The following TENM3 variants were observed in gnomAD, a reference collection of about 807,000 sequenced individuals.
The protein encoded by TENM3 is teneurin-3.
In TENM3, 63 loss-of-function variants were observed where a neutral mutation model predicts 255.1. The observed-to-expected ratio is 0.25, with a 90% CI of 0.20 to 0.30. The LOEUF (loss-of-function observed/expected upper bound fraction) is 0.30, where lower values mean the gene tolerates loss of function less well. TENM3 is among the 10% of genes least tolerant of loss of function. TENM3 has a pLI of 1.00. For synonymous variants in TENM3, 1,306 were observed against 1,322.3 expected (o/e 0.99, Z 0.27); for missense variants, 2,929 against 3,461.1 (o/e 0.85, Z 3.86).
chr4:181,746,836 T>C, the TENM3 span, among the ~76,000 whole-genome samples: 26 of 152,228 alleles, frequency 1.7e-4, no homozygotes, highest in African/African-American at 5.3e-4. Context: ...TGTATATTAT[T>C]AGCTCAGAGA....
At chr4:182,192,250 C>T (rs1399247520) in intron 1 of TENM3, among the ~76,000 whole-genome samples, 1 of 152,168 alleles carries the variant, frequency 6.6e-6, no homozygotes, top group Admixed American at 6.5e-5. Context: ...TACCGAGGGT[C>T]CACAAAGCGT....
At chr4:182,578,210 C>T (rs1230091053) in intron 3 of TENM3, among the ~76,000 whole-genome samples, 3 of 152,106 alleles carry the variant, frequency 2.0e-5, no homozygotes, top group Non-Finnish European at 2.9e-5. Context: ...CTTCTGACCT[C>T]GTGATCCGCG....
chr4:181,678,049 T>A, the TENM3 span, among the ~76,000 whole-genome samples: 263 of 152,262 alleles, frequency 1.7e-3, 2 homozygotes, highest in South Asian at 4.1e-3. Context: ...AGCGATTATT[T>A]TTTGCCCTCA....
chr4:182,233,392 C>T (rs1030946089), intron 1 of TENM3, among the ~76,000 whole-genome samples: 9 of 152,162 alleles, frequency 5.9e-5, no homozygotes, highest in African/African-American at 1.4e-4. Context: ...GGAACCTGAC[C>T]GACGTATGCT....
chr4:182,397,174 C>T (rs1451257339), intron 3 of TENM3, among the ~76,000 whole-genome samples: 2 of 150,932 alleles, frequency 1.3e-5, no homozygotes, highest in South Asian at 2.1e-4. Flanking sequence ...GAGACTCTGA[C>T]TCAGTAAGAG....
rs1195878296 is a variant in TENM3, at chr4:182,362,450, C to T, written c.511+15521C>T. Among the ~76,000 whole-genome samples the T allele has an allele frequency of 1.9e-4, 29 of 152,120 alleles. 1 individual carries two copies. The East Asian group carries it at 5.0e-3, about 26-fold the overall frequency. ...GGTGGTCGCCCCTCCCCCAGCCTCA[C>T]TGCCACCTTGCAGTTTGATCTCAGA... On this transcript the variant is annotated intron_variant, in intron 3 of 27. Coordinates refer to ENST00000511685, the MANE Select transcript of TENM3 (RefSeq NM_001080477.4).
At chr4:182,404,883 A>G (rs1769452129) in intron 3 of TENM3, among the ~76,000 whole-genome samples, 1 of 152,188 alleles carries the variant, frequency 6.6e-6, no homozygotes, top group Non-Finnish European at 1.5e-5. Flanking sequence ...GTGGAGGTGA[A>G]CAATCATTGC....
intron 12 of TENM3, among the ~76,000 whole-genome samples, chr4:182,707,020 G>A (rs529665420): frequency 1.1e-4 from 17 of 151,946 alleles, no homozygotes; most frequent in Middle Eastern, 6.8e-3. Flanking sequence ...AGTGATTTAC[G>A]TGGCCTAGAG....
chr4:182,008,189 T>C, the TENM3 span, among the ~76,000 whole-genome samples: 871 of 152,220 alleles, frequency 5.7e-3, 10 homozygotes, highest in African/African-American at 0.02. Flanking sequence ...GAGAATTTGA[T>C]GATTATGTGT....
chr4:182,044,036 A>T, the TENM3 span, among the ~76,000 whole-genome samples: 1 of 152,230 alleles, frequency 6.6e-6, no homozygotes, highest in Non-Finnish European at 1.5e-5. Context: ...CTTGAATGTT[A>T]TAGTGTTCCT....
At chr4:181,640,662 G>A in the TENM3 span, among the ~76,000 whole-genome samples, 1 of 152,082 alleles carries the variant, frequency 6.6e-6, no homozygotes, top group Non-Finnish European at 1.5e-5. Flanking sequence ...TCTCCACTCA[G>A]CTCTGTGCAC....
chr4:182,582,342 T>C (rs1745566829), intron 3 of TENM3, among the ~76,000 whole-genome samples: 2 of 152,226 alleles, frequency 1.3e-5, no homozygotes, highest in African/African-American at 4.8e-5. Flanking sequence ...TCTGTGACCA[T>C]TGCCAGATTT....
chr4:182,309,599 T>A (rs572820936), intron 1 of TENM3, among the ~76,000 whole-genome samples: 1 of 152,358 alleles, frequency 6.6e-6, no homozygotes, highest in East Asian at 1.9e-4. Context: ...GAAATCATTT[T>A]GAAATTATTG....
chr4:181,846,634 C>A, the TENM3 span, among the ~76,000 whole-genome samples: 1 of 152,112 alleles, frequency 6.6e-6, no homozygotes, highest in East Asian at 1.9e-4. Context: ...TTCCTCAATT[C>A]ATTTTTTTCT....
the TENM3 span, among the ~76,000 whole-genome samples, chr4:181,584,264 A>C: frequency 6.6e-6 from 1 of 152,128 alleles, no homozygotes; most frequent in African/African-American, 2.4e-5. Context: ...CAGAGGCTCA[A>C]ATTCTATGCT....
At chr4:181,705,010 T>C in the TENM3 span, among the ~76,000 whole-genome samples, 15 of 146,804 alleles carry the variant, frequency 1.0e-4, no homozygotes, top group Admixed American at 7.6e-4. Context: ...CACTCCAGCC[T>C]GGGTGACAGA....
the TENM3 span, among the ~76,000 whole-genome samples, chr4:181,913,900 T>C: frequency 2.0e-5 from 3 of 152,166 alleles, no homozygotes; most frequent in Non-Finnish European, 2.9e-5. Context: ...TAGGATGTGA[T>C]TGGTGCTATT....
the TENM3 span, among the ~76,000 whole-genome samples, chr4:181,766,774 T>C: frequency 6.8e-6 from 1 of 147,374 alleles, no homozygotes; most frequent in Admixed American, 6.7e-5. Flanking sequence ...AAAAGCAAAA[T>C]TCCATCCAAA....
intron 1 of TENM3, among the ~76,000 whole-genome samples, chr4:182,256,851 G>A (rs1011573888): frequency 6.6e-6 from 1 of 151,818 alleles, no homozygotes; most frequent in Non-Finnish European, 1.5e-5. Flanking sequence ...GCCAAATTCT[G>A]TTGGATTATT....
Sources: gnomAD v4.1 joint callset for allele counts (sites outside exome capture counted in the v4.1 genomes callset) on GRCh38, gnomAD v4.1.1 for gene constraint, MANE v1.5 for transcripts, NCBI Gene and HGNC (gene_info 2026-07-23, HGNC 2026-07-21) for gene names.